Variants in RUFY4 observed in about 807,000 individuals in gnomAD.
RUFY4 encodes RUN and FYVE domain-containing protein 4.
A neutral mutation model predicts 69.0 loss-of-function variants in RUFY4; 73 were observed. The observed-to-expected ratio is 1.06, with a 90% confidence interval of 0.88 to 1.29. RUFY4 has a LOEUF of 1.29. RUFY4 is among the 50% of genes most tolerant of loss of function. RUFY4 has a pLI of 0.00. For missense variants in RUFY4, 770 were observed against 705.6 expected (o/e 1.09, Z -1.03); for synonymous variants, 287 against 271.8 (o/e 1.06, Z -0.55).
intron 2 of RUFY4, among the ~76,000 whole-genome samples, chr2:218,053,579 G>A (rs1559423908): frequency 1.3e-5 from 2 of 151,978 alleles, no homozygotes; most frequent in African/African-American, 4.8e-5. Flanking sequence ...GCGAGATCTC[G>A]GCTCACTGCA....
At chr2:218,072,696 C>A in intron 3 of RUFY4, 83 bp from the exon 6 acceptor site, 1 of 1,307,278 alleles carries the variant, frequency 7.6e-7, no homozygotes, top group South Asian at 1.5e-5. Flanking sequence ...CATTGCCAAG[C>A]ACTTCCAGTC....
chr2:218,039,612 A>G (rs1347259150), intron 2 of RUFY4, among the ~76,000 whole-genome samples: 1 of 152,194 alleles, frequency 6.6e-6, no homozygotes, highest in Non-Finnish European at 1.5e-5. Context: ...AAGCCAGGGA[A>G]CAGACATTAG....
At chr2:218,037,315 G>C (rs1353754764) in intron 2 of RUFY4, among the ~76,000 whole-genome samples, 1 of 111,130 alleles carries the variant, frequency 9.0e-6, no homozygotes, top group Non-Finnish European at 1.7e-5. Context: ...GCAAAACTCA[G>C]TCTCAAAAAA....
intron 2 of RUFY4, among the ~76,000 whole-genome samples, chr2:218,045,267 T>A (rs1688800116): frequency 6.6e-6 from 1 of 152,226 alleles, no homozygotes; most frequent in African/African-American, 2.4e-5. Flanking sequence ...TTTTTAAAAC[T>A]TCTCTAGACA....
intron 2 of RUFY4, among the ~76,000 whole-genome samples, chr2:218,058,420 G>A (rs1412902437): frequency 6.6e-6 from 1 of 152,156 alleles, no homozygotes; most frequent in African/African-American, 2.4e-5. Context: ...GCCTTCAAAA[G>A]CCCCAATGTG....
intron 2 of RUFY4, among the ~76,000 whole-genome samples, chr2:218,056,455 G>A (rs953860634): frequency 6.6e-6 from 1 of 151,966 alleles, no homozygotes; most frequent in Non-Finnish European, 1.5e-5. Context: ...AATGTGGCCC[G>A]GGTCCCTGAC....
chr2:218,045,929 C>T (rs998488490), intron 2 of RUFY4, among the ~76,000 whole-genome samples: 2 of 152,056 alleles, frequency 1.3e-5, no homozygotes, highest in Non-Finnish European at 2.9e-5. Context: ...CTCAGCCTCC[C>T]GAGTAGCTGG....
chr2:218,041,589 CAAA>C (rs112548192), intron 2 of RUFY4, among the ~76,000 whole-genome samples: 1 of 126,950 alleles, frequency 7.9e-6, no homozygotes, highest in African/African-American at 2.7e-5. Flanking sequence ...GAAGTACAGC[CAAA>C]AAAAAAAAAA....
upstream of RUFY4, chr2:218,070,395 G>A (rs571381748): frequency 4.8e-6 from 3 of 620,658 alleles, no homozygotes; most frequent in African/African-American, 1.8e-5. Flanking sequence ...ATCGGTGGAG[G>A]CCACACCATC....
chr2:218,054,952 C>T (rs13405863), intron 2 of RUFY4, among the ~76,000 whole-genome samples: 20,005 of 152,090 alleles, frequency 0.13, 1,477 homozygotes, highest in South Asian at 0.26. Flanking sequence ...AATTCTGTTT[C>T]TTTATAGGAA....
At position 218,081,019 on chromosome 2, in the gene RUFY4, G is replaced by A. The variant is rs372713661; in HGVS notation, c.1356-2091G>A. ...ACATTGTGAAAACTAAATGAATGGG[G>A]CTATAAAACACCAAGCTCAGGCCTG... On this transcript the variant is annotated intron_variant, in intron 8 of 10. Transcript: ENST00000344321. 1.9e-4 allele frequency among the ~76,000 whole-genome samples: 29 copies of A among 152,294 alleles called. No homozygotes were observed. In the South Asian group the frequency reaches 4.4e-3, roughly 23 times the overall value.
chr2:218,090,243 CACA>C (rs1284699229), exon 11 of RUFY4: 26 of 370,104 alleles, frequency 7.0e-5, no homozygotes, highest in South Asian at 5.2e-4. Flanking sequence ...CTGCAACTAC[CACA>C]ACGAGCCAGG....
intron 2 of RUFY4, among the ~76,000 whole-genome samples, chr2:218,056,167 G>T (rs1340334938): frequency 2.0e-5 from 3 of 151,694 alleles, no homozygotes; most frequent in Admixed American, 2.0e-4. Context: ...TTGCCTTGAG[G>T]CTTGGGCTTT....
chr2:218,088,234 C>T (rs1689938620), intron 9 of RUFY4, among the ~76,000 whole-genome samples: 1 of 151,988 alleles, frequency 6.6e-6, no homozygotes, highest in Admixed American at 6.6e-5. Context: ...TGGTTCATGC[C>T]TGTAATCCCT....
intron 2 of RUFY4, among the ~76,000 whole-genome samples, chr2:218,050,263 C>T (rs10170187): frequency 0.41 from 61,602 of 152,002 alleles, 13,559 homozygotes; most frequent in East Asian, 0.75. Flanking sequence ...AATTCTTCTC[C>T]GCCTTACTCA....
chr2:218,036,024 C>T (rs752139245), intron 2 of RUFY4, among the ~76,000 whole-genome samples: 1 of 152,224 alleles, frequency 6.6e-6, no homozygotes, highest in Non-Finnish European at 1.5e-5. Flanking sequence ...GGGCCCAGAA[C>T]ACAGGCCCTG....
chr2:218,089,334 G>A, exon 10 of RUFY4: 2 of 1,613,756 alleles, frequency 1.2e-6, no homozygotes, highest in Non-Finnish European at 1.7e-6. Flanking sequence ...CAAGATCTTT[G>A]GCCGATTTTC....
At chr2:218,041,669 G>A (rs1272635859) in intron 2 of RUFY4, among the ~76,000 whole-genome samples, 1 of 152,012 alleles carries the variant, frequency 6.6e-6, no homozygotes, top group African/African-American at 2.4e-5. Flanking sequence ...TATTATATAA[G>A]TTTGTTGGCT....
chr2:218,089,097 G>A (rs943935712), intron 9 of RUFY4, among the ~76,000 whole-genome samples, 155 bp from the exon 12 acceptor site: 1 of 151,772 alleles, frequency 6.6e-6, no homozygotes, highest in African/African-American at 2.4e-5. Flanking sequence ...TTCCGTATGT[G>A]TCCATGTGAT....
Sources: gnomAD v4.1 joint callset for allele counts (sites outside exome capture counted in the v4.1 genomes callset) on GRCh38, gnomAD v4.1.1 for gene constraint, MANE v1.5 for transcripts, NCBI Gene and HGNC (gene_info 2026-07-23, HGNC 2026-07-21) for gene names.